Variants in IL23R observed in about 807,000 individuals in gnomAD.
IL23R encodes the protein interleukin 23 receptor.
IL23R carries 34 observed loss-of-function variants against 56.9 expected under a neutral mutation model. The ratio of observed to expected loss-of-function variants is 0.60; its 90% CI spans 0.45 to 0.80. IL23R has a LOEUF of 0.80. Among genes scored for constraint, IL23R ranks in the 30% least tolerant of loss-of-function variants. The pLI is 0.00. For missense variants in IL23R, 635 were observed against 730.0 expected (o/e 0.87, Z 1.50); for synonymous variants, 230 against 249.2 (o/e 0.92, Z 0.73).
At chr1:67,244,750 C>T (rs1191009063) in intron 9 of IL23R, among the ~76,000 whole-genome samples, 1 of 152,150 alleles carries the variant, frequency 6.6e-6, no homozygotes, top group Admixed American at 6.5e-5. Flanking sequence ...TAGCGTGATG[C>T]CTCCAGGTTT....
chr1:67,262,421 A>C (rs888648855), downstream of IL23R, among the ~76,000 whole-genome samples: 1 of 152,162 alleles, frequency 6.6e-6, no homozygotes, highest in Non-Finnish European at 1.5e-5. Flanking sequence ...TGGATAGCAA[A>C]TCGGTGGCCA....
At chr1:67,187,238 C>T (rs548781501) in intron 4 of IL23R, among the ~76,000 whole-genome samples, 1 of 152,272 alleles carries the variant, frequency 6.6e-6, no homozygotes, top group East Asian at 1.9e-4. Context: ...TTCTTGCCAA[C>T]CTTTGTTTTT....
chr1:67,180,388 T>C (rs1395590009), intron 3 of IL23R, among the ~76,000 whole-genome samples: 1 of 152,094 alleles, frequency 6.6e-6, no homozygotes, highest in Non-Finnish European at 1.5e-5. Context: ...CTTTTTTGTC[T>C]CTTTTGATCT....
intron 7 of IL23R, among the ~76,000 whole-genome samples, chr1:67,230,068 G>A (rs759578224): frequency 5.9e-5 from 9 of 152,240 alleles, no homozygotes; most frequent in Non-Finnish European, 1.2e-4. Flanking sequence ...GTCTGGCGAG[G>A]ACCCTGCAGC....
At chr1:67,243,822 C>A (rs554572074) in intron 9 of IL23R, among the ~76,000 whole-genome samples, 2 of 152,254 alleles carry the variant, frequency 1.3e-5, no homozygotes, top group African/African-American at 4.8e-5. Flanking sequence ...TGGGTATATA[C>A]CCAGCAATGG....
At chr1:67,200,109 G>A (rs1054817713) in intron 4 of IL23R, among the ~76,000 whole-genome samples, 2 of 151,990 alleles carry the variant, frequency 1.3e-5, no homozygotes, top group Non-Finnish European at 2.9e-5. Context: ...GTGTGATCTC[G>A]GCTCACTGCA....
chr1:67,180,448 C>CT lies in IL23R; in HGVS notation c.368-2381dup, dbSNP rs1272211954. On this transcript the variant is annotated intron_variant, in intron 3 of 10. Coordinates refer to ENST00000347310, the MANE Select transcript of IL23R (RefSeq NM_144701.3). ...CAGAGACTAGGATTGCAACCCCTGC[C>CT]TTTTTTTGTTTTCCATTTGCTTGGT... Among the ~76,000 whole-genome samples, 23 of 151,884 alleles carry CT rather than the reference C, an allele frequency of 1.5e-4. No homozygotes were observed. In the East Asian group the frequency reaches 4.3e-3, roughly 28 times the overall value.
chr1:67,231,018 G>A (rs1651067570), intron 7 of IL23R, among the ~76,000 whole-genome samples: 1 of 151,934 alleles, frequency 6.6e-6, no homozygotes, highest in African/African-American at 2.4e-5. Context: ...GGGAGGGTGG[G>A]GGCGAATCTC....
chr1:67,150,248 C>CTTTTTTTTTTTTTTTTT (rs552806817), intron 1 of IL23R, among the ~76,000 whole-genome samples: 3 of 110,264 alleles, frequency 2.7e-5, no homozygotes, highest in Admixed American at 1.0e-4. Flanking sequence ...GCATTTCGAA[C>CTTTTTTTTTTTTTTTTT]TTTTTTTTTT....
chr1:67,259,239 C>A lies in IL23R; in HGVS notation c.*111C>A. ...TTTTTGAAAAAAATGTATTCACATA[C>A]AAATCTTCACATGGACACATGTTTT... is the stretch of plus-strand genomic sequence containing the variant. On this transcript the variant is annotated 3_prime_UTR_variant, in exon 11 of 11. Coordinates refer to ENST00000347310, the MANE Select transcript of IL23R (RefSeq NM_144701.3). 2.0e-6 allele frequency: 2 copies of A among 995,696 alleles called. No homozygotes were observed. The highest frequency in any genetic ancestry group is 3.1e-6 in the Non-Finnish European group (2 of 641,650). The allele number at this position is 995,696 out of a possible 1,614,324, so 61.7% of individuals were successfully genotyped here.
At chr1:67,198,125 A>G (rs2102617170) in intron 4 of IL23R, among the ~76,000 whole-genome samples, 1 of 152,156 alleles carries the variant, frequency 6.6e-6, no homozygotes, top group African/African-American at 2.4e-5. Context: ...GGGAGAAGTC[A>G]CTCATTACTG....
In IL23R at chr1:67,240,249, G is replaced by C. The variant is rs199542433; in HGVS notation, c.1116G>C (p.Leu372Phe). Residue 372 changes from leucine to phenylalanine, a missense_variant, in exon 9 of 11, where the codon TTG becomes TTC. Transcript: ENST00000347310. ...VFAVMLSILSLIGIFNRSFRT... is the reference protein window; with the variant it reads ...VFAVMLSILSFIGIFNRSFRT... ...CTGTTATGTTGTCAATTCTTTCTTTGATTGGGATATTTAACAGATCATTCC... is the reference window on the plus strand; with the variant it reads ...CTGTTATGTTGTCAATTCTTTCTTTCATTGGGATATTTAACAGATCATTCC... 4.1e-5 allele frequency: 66 copies of C among 1,613,134 alleles called. No individual in the cohort carries two copies. The East Asian group carries it at 1.2e-3, about 29-fold the overall frequency.
intron 4 of IL23R, among the ~76,000 whole-genome samples, chr1:67,197,011 C>T (rs1648205344): frequency 6.6e-6 from 1 of 152,170 alleles, no homozygotes; most frequent in African/African-American, 2.4e-5. Flanking sequence ...ATGCGTGAGA[C>T]ACACATGTGA....
chr1:67,163,973 G>C (rs1416340522), upstream of IL23R, among the ~76,000 whole-genome samples: 1 of 151,936 alleles, frequency 6.6e-6, no homozygotes, highest in Non-Finnish European at 1.5e-5. Context: ...TTTTAGATAT[G>C]ACACTGAAAA....
Position 67,214,552 on chromosome 1 carries a change from G to T in IL23R, c.799-5022G>T, listed in dbSNP as rs189613305. Among the ~76,000 whole-genome samples, 475 of 152,308 alleles carry T rather than the reference G, an allele frequency of 3.1e-3. 2 individuals carry two copies. The highest frequency in any genetic ancestry group is 0.011 in the African/African-American group (448 of 41,560). The stretch of plus-strand genomic sequence containing the variant: ...CTCAAATGTACCTGTTACCAAGATG[G>T]CCTATGTAGCACCACCAGGGGGAGC... On this transcript the variant is annotated intron_variant, in intron 6 of 10. Coordinates refer to ENST00000347310, the MANE Select transcript of IL23R (RefSeq NM_144701.3).
Position 67,222,102 on chromosome 1 carries a change from C to CTTTTTTT in IL23R, c.955+2394_955+2400dup, listed in dbSNP as rs72241835. 7.0e-3 allele frequency among the ~76,000 whole-genome samples: 409 copies of CTTTTTTT among 58,846 alleles called. 1 individual carries two copies. The highest frequency in any genetic ancestry group is 9.2e-3 in the Non-Finnish European group (300 of 32,646). 38.6% of individuals were successfully genotyped at this position (58,846 alleles called of 152,430 possible). On this transcript the variant is annotated intron_variant, in intron 7 of 10. Coordinates refer to ENST00000347310, the MANE Select transcript of IL23R (RefSeq NM_144701.3). Reference sequence around the variant, plus strand: ...TCCTTTTCTCTTTCTTTCTTTCTTTCTTTTTTTTTTTTTTTTTTTTTTTTT... The same window carrying CTTTTTTT: ...TCCTTTTCTCTTTCTTTCTTTCTTTCTTTTTTTTTTTTTTTTTTTTTTTTTTTTTTTT...
At chr1:67,221,297 G>T (rs1000999013) in intron 7 of IL23R, among the ~76,000 whole-genome samples, 14 of 152,090 alleles carry the variant, frequency 9.2e-5, no homozygotes, top group Non-Finnish European at 2.1e-4. Context: ...CTCCAGCCTG[G>T]GTGACAGAGT....
At chr1:67,261,585 A>G (rs949488650), downstream of IL23R, among the ~76,000 whole-genome samples, 2 of 152,090 alleles carry the variant, frequency 1.3e-5, no homozygotes, top group Admixed American at 6.6e-5. Flanking sequence ...AAATACCTTG[A>G]CTTGTAAATT....
intron 4 of IL23R, among the ~76,000 whole-genome samples, chr1:67,188,985 T>C (rs374555680): frequency 2.0e-5 from 3 of 152,192 alleles, no homozygotes; most frequent in East Asian, 1.9e-4. Context: ...CCTGACCGAT[T>C]TGATTGAGGG....
Sources: gnomAD v4.1 joint callset for allele counts (sites outside exome capture counted in the v4.1 genomes callset) on GRCh38, gnomAD v4.1.1 for gene constraint, MANE v1.5 for transcripts, NCBI Gene and HGNC (gene_info 2026-07-23, HGNC 2026-07-21) for gene names.